Variants in EP300 observed in about 807,000 individuals in gnomAD.
The protein encoded by EP300 is histone acetyltransferase p300.
In EP300, 31 loss-of-function variants were observed where a neutral mutation model predicts 264.0. The ratio of observed to expected loss-of-function variants is 0.12; its 90% CI spans 0.09 to 0.16. The LOEUF is 0.16. Ranked by LOEUF, EP300 falls within the 10% of genes least tolerant of loss-of-function variation. The pLI, the probability that EP300 is intolerant of heterozygous loss-of-function variation, is 1.00. For missense variants in EP300, 2,766 were observed against 3,052.9 expected (o/e 0.91, Z 2.21); for synonymous variants, 1,340 against 1,045.4 (o/e 1.28, Z -5.44).
At chr22:41,167,505 T>C (rs1414719235) in intron 23 of EP300, among the ~76,000 whole-genome samples, 4 of 149,374 alleles carry the variant, frequency 2.7e-5, no homozygotes, top group African/African-American at 9.9e-5. Context: ...TTCGTTACTT[T>C]AAAATATTAC....
At chr22:41,176,150 G>A (rs1801539105) in intron 29 of EP300, 97 bp from the exon 30 acceptor site, 2 of 1,404,440 alleles carry the variant, frequency 1.4e-6, no homozygotes, top group African/African-American at 1.4e-5. Flanking sequence ...AGCCCAGGAG[G>A]CAGAGGTTGT....
At chr22:41,101,275 G>A (rs1453518962) in intron 1 of EP300, among the ~76,000 whole-genome samples, 1 of 151,856 alleles carries the variant, frequency 6.6e-6, no homozygotes, top group East Asian at 1.9e-4. Flanking sequence ...GGGTTTCACC[G>A]TGTTGGCCAG....
intron 1 of EP300, among the ~76,000 whole-genome samples, chr22:41,114,854 C>T (rs901028944): frequency 6.6e-6 from 1 of 151,174 alleles, no homozygotes; most frequent in African/African-American, 2.4e-5. Flanking sequence ...AGAGGAAGGG[C>T]ACATACAGGA....
At position 41,126,729 on chromosome 22, in the gene EP300, CTTTTTTTTTTTTTTT is replaced by C. The variant is rs71328775; in HGVS notation, c.906+707_906+721del. Among the ~76,000 whole-genome samples the C allele has an allele frequency of 6.1e-4, 30 of 48,828 alleles. 2 individuals are homozygous for C. The South Asian group carries it at 7.4e-3, about 12-fold the overall frequency. The allele number at this position is 48,828 out of a possible 152,430, so 32.0% of individuals were successfully genotyped here. A position where few individuals can be genotyped will look rare whatever the true frequency, so the allele number is the denominator to read the frequency against. On this transcript the variant is annotated intron_variant, in intron 3 of 30. Transcript: ENST00000263253. Reference sequence around the variant, plus strand: ...TCATCTCTGTCCCGAGAAATGTTCACTTTTTTTTTTTTTTTTTTTTTTTTTTTTTTTTGAGACGGA... The same window carrying C: ...TCATCTCTGTCCCGAGAAATGTTCACTTTTTTTTTTTTTTTTTGAGACGGA...
intron 1 of EP300, among the ~76,000 whole-genome samples, chr22:41,104,420 G>A (rs986493343): frequency 6.6e-6 from 1 of 151,930 alleles, no homozygotes; most frequent in South Asian, 2.1e-4. Flanking sequence ...CTCCCAAGTA[G>A]CTGGGATTAC....
chr22:41,157,399 T>C lies in EP300; in HGVS notation c.3492T>C (p.Cys1164=). Residue 1164 remains cysteine (C), a synonymous_variant, in exon 18 of 31, where the codon TGT becomes TGC. Coordinates refer to ENST00000263253, the MANE Select transcript of EP300 (RefSeq NM_001429.4). ...DPVMQSLGYC[C]GRKLEFSPQT... is the part of the protein sequence containing the mutation. Reference sequence around the variant, plus strand: ...TGATGCAAAGCCTTGGATACTGTTGTGGCAGAAAGGTAAGAAATGTGTTTC... The same window carrying C: ...TGATGCAAAGCCTTGGATACTGTTGCGGCAGAAAGGTAAGAAATGTGTTTC... 1.2e-6 allele frequency: 2 copies of C among 1,613,916 alleles called. No homozygotes were observed. Among genetic ancestry groups the C allele is most frequent in the South Asian group, 1.1e-5 (1 of 91,076 alleles).
At chr22:41,164,267 A>G in intron 22 of EP300, 137 bp downstream of exon 22, 1 of 825,174 alleles carries the variant, frequency 1.2e-6, no homozygotes, top group Non-Finnish European at 2.0e-6. Flanking sequence ...TTTGGCCACG[A>G]TAATTATAGT....
chr22:41,164,213 TATTATATCTTCAAA>T (rs1242400143), intron 22 of EP300, 83 bp downstream of exon 22: 7 of 1,193,454 alleles, frequency 5.9e-6, no homozygotes, highest in Non-Finnish European at 8.7e-6. Flanking sequence ...CAATTGACTG[TATTATATCTTCAAA>T]GTTACTATCT....
In EP300 at chr22:41,160,813, G is replaced by A; in HGVS notation, c.3671+91G>A. The A allele has an allele frequency of 3.4e-6, 4 of 1,180,144 alleles. No individual in the cohort carries two copies. The South Asian group carries it at 3.8e-5, about 11-fold the overall frequency. The allele number at this position is 1,180,144 out of a possible 1,614,324, so 73.1% of individuals were successfully genotyped here. On this transcript the variant is annotated intron_variant, in intron 20 of 30. Transcript: ENST00000263253. The stretch of plus-strand genomic sequence containing the variant: ...TTTCTAAATGAACTTAAGCTATGCT[G>A]TTGAATATGGTAGCCATTAGCCACA...
At position 41,140,141 on chromosome 22, in the gene EP300, G is replaced by C; in HGVS notation, c.1762G>C (p.Val588Leu). ...AGTGGTAGGATTTTCTTTTTCCAGC[G>C]TCCAAGCCATATTTCCTACGCCGGA... ...DLRNHLVHKL[V>L]QAIFPTPDPA... Residue 588 changes from valine to leucine, a missense_variant and splice_region_variant, in exon 9 of 31, where the codon GTC becomes CTC. Val to Leu is a conservative substitution (Grantham distance 32). Coordinates refer to ENST00000263253, the MANE Select transcript of EP300 (RefSeq NM_001429.4). 2 of 1,611,102 alleles carry C rather than the reference G, an allele frequency of 1.2e-6. No individual in the cohort carries two copies. Among genetic ancestry groups the C allele is most frequent in the Non-Finnish European group, 1.7e-6 (2 of 1,177,364 alleles).
intron 29 of EP300, 146 bp downstream of exon 29, chr22:41,173,930 G>A (rs190861916): frequency 3.7e-5 from 34 of 915,840 alleles, no homozygotes; most frequent in African/African-American, 3.5e-4. Flanking sequence ...TGACCAACAC[G>A]GTGAAACCTT....
chr22:41,146,577 T>C, intron 10 of EP300, 162 bp from the exon 11 acceptor site: 1 of 669,630 alleles, frequency 1.5e-6, no homozygotes, highest in South Asian at 1.8e-5. Flanking sequence ...AGAAATAACA[T>C]TTTCTTCAAG....
intron 10 of EP300, among the ~76,000 whole-genome samples, chr22:41,143,665 T>G (rs1452652537): frequency 6.6e-6 from 1 of 151,966 alleles, no homozygotes; most frequent in African/African-American, 2.4e-5. Flanking sequence ...AACCTCTGCC[T>G]CCCAGATTCA....
chr22:41,148,480 C>T (rs936021611), intron 12 of EP300, among the ~76,000 whole-genome samples: 1 of 152,126 alleles, frequency 6.6e-6, no homozygotes, highest in African/African-American at 2.4e-5. Context: ...GACAGATGGT[C>T]TTAGCTTATG....
At chr22:41,147,123 G>A (rs904016687) in intron 11 of EP300, among the ~76,000 whole-genome samples, 10 of 152,056 alleles carry the variant, frequency 6.6e-5, no homozygotes, top group African/African-American at 2.4e-4. Flanking sequence ...GGCCAATGTG[G>A]TGAAACCCTG....
intron 1 of EP300, among the ~76,000 whole-genome samples, chr22:41,103,802 G>A (rs1441375574): frequency 4.6e-5 from 7 of 152,136 alleles, no homozygotes; most frequent in Non-Finnish European, 7.4e-5. Context: ...ACATGGTTGG[G>A]GAAAGACTAA....
At chr22:41,168,949 A>G (rs2145764251) in intron 25 of EP300, 82 bp downstream of exon 25, 1 of 1,587,872 alleles carries the variant, frequency 6.3e-7, no homozygotes, top group Non-Finnish European at 8.6e-7. Context: ...AACAGGCAAG[A>G]AAATGTTTAG....
At position 41,135,874 on chromosome 22, in the gene EP300, C is replaced by T. The variant is rs749750890; in HGVS notation, c.1590C>T (p.Asp530=). The change falls in exon 7 of 31, where the codon GAC becomes GAT. Residue 530 remains aspartate, a synonymous_variant. Coordinates refer to ENST00000263253, the MANE Select transcript of EP300 (RefSeq NM_001429.4). ...TTCAAACGCCGAGTCTTCTTTCTGA[C>T]TCAATGTTGCATTCAGCCATAAATT... ...VGVQTPSLLS[D]SMLHSAINSQ... 3.1e-6 allele frequency: 5 copies of T among 1,613,978 alleles called. No homozygotes were observed. Among genetic ancestry groups the T allele is most frequent in the Non-Finnish European group, 4.2e-6 (5 of 1,179,982 alleles).
intron 20 of EP300, among the ~76,000 whole-genome samples, chr22:41,161,356 G>A (rs762575013): frequency 1.3e-5 from 2 of 152,232 alleles, no homozygotes; most frequent in Non-Finnish European, 2.9e-5. Flanking sequence ...GGTGGCTCAT[G>A]CCTGTCATCT....
Sources: gnomAD v4.1 joint callset for allele counts (sites outside exome capture counted in the v4.1 genomes callset) on GRCh38, gnomAD v4.1.1 for gene constraint, MANE v1.5 for transcripts, NCBI Gene and HGNC (gene_info 2026-07-23, HGNC 2026-07-21) for gene names.